The following CAPN11 variants were observed in gnomAD, a reference collection of about 807,000 sequenced individuals.
CAPN11 encodes calpain 11, also known as calpain-11.
In CAPN11, 108 loss-of-function variants were observed where a neutral mutation model predicts 105.3. That is an observed-to-expected ratio of 1.03 (90% CI 0.88 to 1.20). The LOEUF (loss-of-function observed/expected upper bound fraction) is 1.20. Ranked by LOEUF, CAPN11 falls within the 50% of genes most tolerant of loss-of-function variation. The pLI is 0.00. For synonymous variants in CAPN11, 329 were observed against 344.5 expected (o/e 0.96, Z 0.50); for missense variants, 883 against 924.8 (o/e 0.95, Z 0.59).
chr6:44,176,449 C>G, intron 9 of CAPN11, 111 bp downstream of exon 9: 1 of 1,288,778 alleles, frequency 7.8e-7, no homozygotes, highest in Non-Finnish European at 1.1e-6. Context: ...GGGCAAAGCT[C>G]CTCCCTCTAG....
At chr6:44,174,019 C>A (rs1771508165) in intron 7 of CAPN11, among the ~76,000 whole-genome samples, 2 of 152,138 alleles carry the variant, frequency 1.3e-5, no homozygotes, top group South Asian at 4.1e-4. Flanking sequence ...GGGCAGTGAC[C>A]TTCTTTGTCT....
chr6:44,177,473 C>T (rs1403070661), intron 12 of CAPN11, 53 bp downstream of exon 12: 6 of 1,359,828 alleles, frequency 4.4e-6, no homozygotes, highest in Non-Finnish European at 6.1e-6. Context: ...CCTGACCTCA[C>T]TCCTTTCTTT....
intron 21 of CAPN11, 69 bp downstream of exon 21, chr6:44,183,304 C>A: frequency 1.6e-5 from 15 of 916,226 alleles, no homozygotes; most frequent in Non-Finnish European, 2.4e-5. Flanking sequence ...AACACCCACC[C>A]TGATGGGTGC....
Position 44,176,878 on chromosome 6 carries a change from G to A in CAPN11, c.1117G>A (p.Glu373Lys). ...TTTCCTGAACAACTTCACGCTCCTG[G>A]AGATCTGCAACCTCACGCCTGATAC... ...QDFLNNFTLL[E>K]ICNLTPDTLS... is the part of the protein sequence containing the mutation. Residue 373 changes from glutamate (E) to lysine (K), a missense_variant, in exon 11 of 23, where the codon GAG (glutamate) becomes AAG (lysine). Glu to Lys is a moderately conservative substitution (Grantham distance 56). Coordinates refer to ENST00000398776, the MANE Select transcript of CAPN11 (RefSeq NM_007058.4). 6.2e-7 allele frequency: 1 copy of A among 1,613,924 alleles called. No homozygotes were observed. Among genetic ancestry groups the A allele is most frequent in the Non-Finnish European group, 8.5e-7 (1 of 1,179,892 alleles).
intron 17 of CAPN11, 27 bp from the exon 18 acceptor site, chr6:44,180,906 C>A: frequency 2.5e-6 from 4 of 1,612,364 alleles, no homozygotes; most frequent in Non-Finnish European, 3.4e-6. Context: ...CCCTGTCTCT[C>A]CTTTCTACCC....
At chr6:44,160,832 A>C (rs1768655123) in intron 1 of CAPN11, among the ~76,000 whole-genome samples, 1 of 152,192 alleles carries the variant, frequency 6.6e-6, no homozygotes, top group Non-Finnish European at 1.5e-5. Flanking sequence ...GAGAGACCAC[A>C]TTCACATTAC....
At chr6:44,170,067 C>A in intron 4 of CAPN11, 92 bp downstream of exon 4, 2 of 969,704 alleles carry the variant, frequency 2.1e-6, no homozygotes, top group Non-Finnish European at 3.2e-6. Context: ...AACAGGGAGC[C>A]CTGAGGTCAG....
chr6:44,181,219 A>G, intron 18 of CAPN11, 33 bp from the exon 19 acceptor site: 1 of 1,605,606 alleles, frequency 6.2e-7, no homozygotes, highest in Non-Finnish European at 8.5e-7. Flanking sequence ...TGCCTTCTTC[A>G]CTCCTTCTCT....
chr6:44,162,850 T>C (rs1474600885), intron 1 of CAPN11, among the ~76,000 whole-genome samples: 1 of 152,080 alleles, frequency 6.6e-6, no homozygotes, highest in Non-Finnish European at 1.5e-5. Flanking sequence ...AAATTCTCCA[T>C]AAAACATGCC....
chr6:44,173,239 A>G lies in CAPN11; in HGVS notation c.684A>G (p.Ala228=). The change falls in exon 7 of 23, where the codon GCA becomes GCG. Residue 228 remains alanine (A), a synonymous_variant. Coordinates refer to ENST00000398776, the MANE Select transcript of CAPN11 (RefSeq NM_007058.4). ...AYAKLSGSYE[A]LSGGSTMEGL... ...ACAGGCTGAGTGGGTCCTATGAAGC[A>G]TTGTCAGGGGGCAGTACCATGGAGG... 6.2e-7 allele frequency: 1 copy of G among 1,613,884 alleles called. No individual in the cohort carries two copies. Among genetic ancestry groups the G allele is most frequent in the Admixed American group, 1.7e-5 (1 of 60,004 alleles).
In CAPN11 at chr6:44,169,919, A is replaced by G; in HGVS notation, c.353A>G (p.Asn118Ser). 1 of 1,611,636 alleles carries G rather than the reference A, an allele frequency of 6.2e-7. No homozygotes were observed. Among genetic ancestry groups the G allele is most frequent in the South Asian group, 1.1e-5 (1 of 90,492 alleles). Reference protein sequence around the residue: ...SWQRPKDIINNPLFIMDGISP... With the variant: ...SWQRPKDIINSPLFIMDGISP... The stretch of plus-strand genomic sequence containing the variant: ...CCTTCACTGCAGGATATCATAAACA[A>G]CCCTCTATTCATCATGGATGGGATT... Residue 118 changes from asparagine to serine, a missense_variant, in exon 4 of 23, where the codon AAC becomes AGC. By Grantham distance (46) the Asn-to-Ser change is conservative. Transcript: ENST00000398776.
Position 44,181,312 on chromosome 6 carries a change from A to G in CAPN11, c.1930A>G (p.Lys644Glu). Residue 644 changes from lysine to glutamate, a missense_variant, in exon 19 of 23, where the codon AAA (lysine) becomes GAA (glutamate). Transcript: ENST00000398776. ...CAAGATCCTGTGGAAAAAACTCAAG[A>G]AATGGATGGTAAAGGGCACTAAAGG... ...EFKILWKKLK[K>E]WMDIFRECDQ... is the part of the protein sequence containing the mutation. 1 of 1,613,334 alleles carries G rather than the reference A, an allele frequency of 6.2e-7. No homozygotes were observed. Among genetic ancestry groups the G allele is most frequent in the Non-Finnish European group, 8.5e-7 (1 of 1,179,544 alleles).
chr6:44,172,222 TC>T, intron 4 of CAPN11, 79 bp from the exon 5 acceptor site: 1 of 877,990 alleles, frequency 1.1e-6, no homozygotes. Context: ...AAGTTCCTGC[TC>T]CCCTAGGCCT....
rs76050830 is a variant in CAPN11 at position 44,178,023 on chromosome 6, A to T, written c.1416+603A>T. On this transcript the variant is annotated intron_variant, in intron 12 of 22. Coordinates refer to ENST00000398776, the MANE Select transcript of CAPN11 (RefSeq NM_007058.4). ...CAGGCAATTGTCCTGCTAGTTTTTTAAAATTTTTCGTAAGATAGGGTCTCA... is the reference window on the plus strand; with the variant it reads ...CAGGCAATTGTCCTGCTAGTTTTTTTAAATTTTTCGTAAGATAGGGTCTCA... 3.3e-3 allele frequency among the ~76,000 whole-genome samples: 497 copies of T among 151,926 alleles called. 16 individuals carry two copies. The East Asian group carries it at 0.064, about 20-fold the overall frequency.
intron 1 of CAPN11, among the ~76,000 whole-genome samples, chr6:44,159,082 G>C (rs971301470): frequency 1.3e-5 from 2 of 152,096 alleles, no homozygotes; most frequent in Non-Finnish European, 2.9e-5. Flanking sequence ...TTCTCAGACT[G>C]TTTGGGGAAG....
intron 1 of CAPN11, chr6:44,161,868 G>A (rs1483598212): frequency 4.4e-6 from 2 of 456,084 alleles, no homozygotes; most frequent in Admixed American, 4.7e-5. Flanking sequence ...ACGGTGCAAG[G>A]GCATGGAGTG....
chr6:44,182,000 TCACA>T (rs1230134618), intron 19 of CAPN11, among the ~76,000 whole-genome samples: 141 of 5,952 alleles, frequency 0.024, no homozygotes, highest in Non-Finnish European at 0.04. Flanking sequence ...CACACCACAC[TCACA>T]CACACACATA....
At chr6:44,170,434 G>A (rs1379871608) in intron 4 of CAPN11, among the ~76,000 whole-genome samples, 1 of 152,106 alleles carries the variant, frequency 6.6e-6, no homozygotes, top group Non-Finnish European at 1.5e-5. Flanking sequence ...GCACTTACGT[G>A]GCAGGAGCTC....
In CAPN11 at chr6:44,164,877, A is replaced by G. The variant is rs146367380; in HGVS notation, c.17-1881A>G. ...TCAGGTTTGCATTTTATTTTATGTTATGTTTTATTTATTTATTTATTTATT... is the reference window on the plus strand; with the variant it reads ...TCAGGTTTGCATTTTATTTTATGTTGTGTTTTATTTATTTATTTATTTATT... On this transcript the variant is annotated intron_variant, in intron 1 of 22. Coordinates refer to ENST00000398776, the MANE Select transcript of CAPN11 (RefSeq NM_007058.4). Among the ~76,000 whole-genome samples the G allele has an allele frequency of 4.0e-3, 609 of 150,656 alleles. 5 individuals carry two copies. Among genetic ancestry groups the G allele is most frequent in the African/African-American group, 0.014 (582 of 40,214 alleles).
Sources: gnomAD v4.1 joint callset for allele counts (sites outside exome capture counted in the v4.1 genomes callset) on GRCh38, gnomAD v4.1.1 for gene constraint, MANE v1.5 for transcripts, NCBI Gene and HGNC (gene_info 2026-07-23, HGNC 2026-07-21) for gene names.